The following PEAK1 variants were observed in gnomAD, a reference collection of about 807,000 sequenced individuals.
The protein encoded by PEAK1 is inactive tyrosine-protein kinase PEAK1.
In PEAK1, 54 loss-of-function variants were observed where a neutral mutation model predicts 124.7. The observed-to-expected ratio is 0.43, with a 90% confidence interval of 0.35 to 0.54. The LOEUF (loss-of-function observed/expected upper bound fraction) is 0.54. PEAK1 is among the 20% of genes least tolerant of loss of function. The pLI is 0.01. For synonymous variants in PEAK1, 719 were observed against 760.0 expected (o/e 0.95, Z 0.89); for missense variants, 2,046 against 2,134.5 (o/e 0.96, Z 0.82).
chr15:77,125,478 CTGTGTGTGTGTGTGTGTGTA>C (rs1303114588), intron 9 of PEAK1, among the ~76,000 whole-genome samples: 1 of 149,866 alleles, frequency 6.7e-6, no homozygotes, highest in South Asian at 2.1e-4. Flanking sequence ...GCTCTCAGCA[CTGTGTGTGTGTGTGTGTGTA>C]TGTGTGTGTG....
intron 6 of PEAK1, among the ~76,000 whole-genome samples, chr15:77,210,562 T>C (rs560690202): frequency 8.5e-5 from 13 of 152,204 alleles, no homozygotes; most frequent in South Asian, 8.3e-4. Flanking sequence ...TCTGAAGGAA[T>C]AGGAAGAGAA....
chr15:77,251,225 T>C (rs1390965573), intron 6 of PEAK1, among the ~76,000 whole-genome samples: 1 of 152,196 alleles, frequency 6.6e-6, no homozygotes, highest in Middle Eastern at 3.2e-3. Flanking sequence ...TGCATTGAAA[T>C]AATTCTGGTC....
intron 2 of PEAK1, chr15:77,349,554 T>G (rs1277671411): frequency 1.0e-6 from 1 of 984,408 alleles, no homozygotes; most frequent in Non-Finnish European, 1.2e-6. Flanking sequence ...TCATAGATTA[T>G]TTAAACCAGA....
At chr15:77,183,007 T>C (rs2057364211) in intron 6 of PEAK1, among the ~76,000 whole-genome samples, 1 of 151,274 alleles carries the variant, frequency 6.6e-6, no homozygotes, top group African/African-American at 2.4e-5. Flanking sequence ...TATAAAACAC[T>C]GATAGATGAA....
intron 6 of PEAK1, among the ~76,000 whole-genome samples, chr15:77,188,047 C>T (rs2057636988): frequency 2.0e-5 from 3 of 152,036 alleles, no homozygotes; most frequent in Non-Finnish European, 4.4e-5. Context: ...GAAAGCAAAG[C>T]TGCAGGAAGA....
chr15:77,370,359 T>C (rs914549508), intron 1 of PEAK1, among the ~76,000 whole-genome samples: 3 of 152,148 alleles, frequency 2.0e-5, no homozygotes, highest in Non-Finnish European at 4.4e-5. Context: ...AAAGTTGTAA[T>C]AAATAAAATG....
intron 1 of PEAK1, among the ~76,000 whole-genome samples, chr15:77,405,820 T>C (rs1395374683): frequency 5.9e-5 from 9 of 152,098 alleles, no homozygotes; most frequent in East Asian, 1.9e-4. Context: ...TTTTAAAATA[T>C]GTGAATAAGA....
At chr15:77,316,984 G>C (rs955313098) in intron 2 of PEAK1, among the ~76,000 whole-genome samples, 1 of 152,142 alleles carries the variant, frequency 6.6e-6, no homozygotes, top group Admixed American at 6.6e-5. Flanking sequence ...AGGAGGCTGA[G>C]GCAGGAGAAT....
At chr15:77,232,314 A>AACACACACAC (rs3071161) in intron 6 of PEAK1, among the ~76,000 whole-genome samples, 1 of 150,022 alleles carries the variant, frequency 6.7e-6, no homozygotes, top group African/African-American at 2.4e-5. Flanking sequence ...AGTGTCAGGA[A>AACACACACAC]ACACACACAC....
At position 77,133,560 on chromosome 15, in the gene PEAK1, T is replaced by G. The variant is rs771737642; in HGVS notation, c.3522A>C (p.Lys1174Asn). 1 of 1,614,116 alleles carries G rather than the reference T, an allele frequency of 6.2e-7. No individual in the cohort carries two copies. The highest frequency in any genetic ancestry group is 1.1e-5 in the South Asian group (1 of 91,078). The change falls in exon 9 of 10, where the codon AAA becomes AAC. Residue 1174 changes from lysine to asparagine, a missense_variant. By Grantham distance (94) the Lys-to-Asn change is moderately conservative (BLOSUM62 0). Coordinates refer to ENST00000682557, the MANE Select transcript of PEAK1 (RefSeq NM_001385026.1). The surrounding 1 kb of genome is among the most constrained non-coding windows in gnomAD (Gnocchi z 4.2). ...NTEPISKDLQ[K>N]SMESSLCVMA... ...TGACACAAAGACTACTTTCCATGGA[T>G]TTTTGGAGGTCCTTGGAGATTGGCT...
In PEAK1 at chr15:77,367,300, A is replaced by C. The variant is rs562378510; in HGVS notation, c.-665-2075T>G. Among the ~76,000 whole-genome samples the C allele has an allele frequency of 3.8e-4, 58 of 152,318 alleles. No homozygotes were observed. The South Asian group carries it at 0.012, about 32-fold the overall frequency. On this transcript the variant is annotated intron_variant, in intron 1 of 9. Coordinates refer to ENST00000682557, the MANE Select transcript of PEAK1 (RefSeq NM_001385026.1). ...TACTGTCTACTCAATTTTTTCATGT[A>C]TACGATTCAAGAACAGGTAAAACTA...
At chr15:77,176,935 T>C (rs1242857633) in intron 7 of PEAK1, among the ~76,000 whole-genome samples, 1 of 152,200 alleles carries the variant, frequency 6.6e-6, no homozygotes, top group African/African-American at 2.4e-5. Context: ...GCTGCCTCTT[T>C]TCTAAATAAA....
intron 5 of PEAK1, among the ~76,000 whole-genome samples, chr15:77,274,756 G>C (rs943073133): frequency 6.6e-6 from 1 of 152,068 alleles, no homozygotes; most frequent in African/African-American, 2.4e-5. Flanking sequence ...ACAGTATGGA[G>C]ATTCCTTAAA....
chr15:77,137,609 G>C (rs2152747841), intron 8 of PEAK1, among the ~76,000 whole-genome samples: 1 of 152,332 alleles, frequency 6.6e-6, no homozygotes, highest in South Asian at 2.1e-4. Context: ...CTCCCATTTG[G>C]AATGGCTGTA....
At position 77,113,864 on chromosome 15, in the gene PEAK1, A is replaced by G; in HGVS notation, c.*292T>C. 3 of 394,128 alleles carry G rather than the reference A, an allele frequency of 7.6e-6. No individual in the cohort carries two copies. The highest frequency in any genetic ancestry group is 1.4e-5 in the Non-Finnish European group (3 of 218,316). 24.4% of individuals were successfully genotyped at this position (394,128 alleles called of 1,614,324 possible). ...TACCAAAGAAGCTGTCCCTTCAAGA[A>G]TATGGATTTTCATTTTTACCTGCAT... On this transcript the variant is annotated 3_prime_UTR_variant, in exon 10 of 10. Coordinates refer to ENST00000682557, the MANE Select transcript of PEAK1 (RefSeq NM_001385026.1).
intron 8 of PEAK1, among the ~76,000 whole-genome samples, chr15:77,139,335 A>T (rs1160266080): frequency 6.6e-6 from 1 of 152,162 alleles, no homozygotes; most frequent in Non-Finnish European, 1.5e-5. Context: ...AATAAGTAGG[A>T]GTACACTTTA....
intron 2 of PEAK1, among the ~76,000 whole-genome samples, chr15:77,312,078 C>T (rs906829916): frequency 6.6e-6 from 1 of 151,798 alleles, no homozygotes; most frequent in Non-Finnish European, 1.5e-5. Flanking sequence ...ATAAAGAAAA[C>T]GGACCAAAAA....
At chr15:77,366,666 C>G (rs905680766) in intron 1 of PEAK1, among the ~76,000 whole-genome samples, 55 of 152,134 alleles carry the variant, frequency 3.6e-4, no homozygotes, top group African/African-American at 1.3e-3. Context: ...AGTGATCCTT[C>G]TACCTCAGCA....
Position 77,181,754 on chromosome 15 carries a change from G to C in PEAK1, c.173C>G (p.Thr58Arg). 6.2e-7 allele frequency: 1 copy of C among 1,614,102 alleles called. No individual in the cohort carries two copies. The highest frequency in any genetic ancestry group is 8.5e-7 in the Non-Finnish European group (1 of 1,179,994). ...NHSNNHRIRN[T>R]GNFRPPVAKK... is the part of the protein sequence containing the mutation. ...AGCCACAGGAGGCCGGAAATTGCCC[G>C]TGTTCCTGATGCGGTGGTTGTTACT... The change falls in exon 7 of 10, where the codon ACG becomes AGG. Residue 58 changes from threonine to arginine, a missense_variant. Coordinates refer to ENST00000682557, the MANE Select transcript of PEAK1 (RefSeq NM_001385026.1).
Sources: gnomAD v4.1 joint callset for allele counts (sites outside exome capture counted in the v4.1 genomes callset) on GRCh38, gnomAD v4.1.1 for gene constraint, Gnocchi (gnomAD v3.1) non-coding constraint, MANE v1.5 for transcripts, NCBI Gene and HGNC (gene_info 2026-07-23, HGNC 2026-07-21) for gene names.